Variants in SH3RF3 observed in about 807,000 individuals in gnomAD.
SH3RF3 encodes SH3 domain containing ring finger 3.
SH3RF3 carries 29 observed loss-of-function variants against 66.3 expected under a neutral mutation model. The observed-to-expected ratio is 0.44, with a 90% confidence interval of 0.33 to 0.60. The LOEUF (loss-of-function observed/expected upper bound fraction) is 0.60, where lower values mean the gene tolerates loss of function less well. SH3RF3 is among the 20% of genes least tolerant of loss of function. SH3RF3 has a pLI of 0.04. For synonymous variants in SH3RF3, 583 were observed against 532.0 expected (o/e 1.10, Z -1.32); for missense variants, 1,194 against 1,190.9 (o/e 1.00, Z -0.04).
At chr2:109,243,141 C>G (rs567234028) in intron 1 of SH3RF3, among the ~76,000 whole-genome samples, 14 of 152,370 alleles carry the variant, frequency 9.2e-5, no homozygotes, top group African/African-American at 3.4e-4. Flanking sequence ...TGGGAGCAGG[C>G]TATTGCCTTG....
At chr2:109,249,532 T>TTTCTTCTTTCTTTCTTTCCTTCC (rs1680019798) in intron 1 of SH3RF3, among the ~76,000 whole-genome samples, 1 of 96,450 alleles carries the variant, frequency 1.0e-5, no homozygotes, top group Non-Finnish European at 2.0e-5. Flanking sequence ...TCTTTCTTTC[T>TTTCTTCTTTCTTTCTTTCCTTCC]TTCCTTCCTT....
At chr2:109,295,023 T>G (rs1294780990) in intron 1 of SH3RF3, among the ~76,000 whole-genome samples, 2 of 152,382 alleles carry the variant, frequency 1.3e-5, no homozygotes, top group East Asian at 3.9e-4. Flanking sequence ...GGATTAGCCA[T>G]CGCTATGAAT....
intron 4 of SH3RF3, 35 bp downstream of exon 4, chr2:109,398,978 G>A: frequency 1.9e-6 from 3 of 1,561,574 alleles, no homozygotes; most frequent in South Asian, 1.2e-5. Context: ...GCATCCCTGG[G>A]TTCTCTGGGG....
intron 1 of SH3RF3, among the ~76,000 whole-genome samples, chr2:109,259,259 C>T (rs1680295502): frequency 1.3e-5 from 2 of 152,244 alleles, no homozygotes; most frequent in African/African-American, 2.4e-5. Flanking sequence ...GCACCCAGAC[C>T]TGCAGCTGCT....
At chr2:109,133,476 C>G (rs531798646) in intron 1 of SH3RF3, among the ~76,000 whole-genome samples, 1 of 152,292 alleles carries the variant, frequency 6.6e-6, no homozygotes, top group East Asian at 1.9e-4. Context: ...GAGTACAGAG[C>G]TGAGGACCTT....
chr2:109,210,013 G>T (rs747577057), intron 1 of SH3RF3, among the ~76,000 whole-genome samples: 1 of 152,058 alleles, frequency 6.6e-6, no homozygotes, highest in Non-Finnish European at 1.5e-5. Flanking sequence ...TATACTTTCT[G>T]TCTCTGTGAA....
intron 1 of SH3RF3, among the ~76,000 whole-genome samples, chr2:109,170,651 A>G (rs1677758866): frequency 1.3e-5 from 2 of 152,128 alleles, no homozygotes; most frequent in African/African-American, 4.8e-5. Context: ...TGCCTGGTCA[A>G]ACAGAATATT....
At chr2:109,457,738 A>G (rs1678100173) in intron 8 of SH3RF3, among the ~76,000 whole-genome samples, 1 of 152,228 alleles carries the variant, frequency 6.6e-6, no homozygotes. Flanking sequence ...AGTGCTTTCA[A>G]AGACATGGGA....
chr2:109,300,387 T>C (rs1413449349), intron 1 of SH3RF3, among the ~76,000 whole-genome samples: 1 of 151,618 alleles, frequency 6.6e-6, no homozygotes, highest in East Asian at 1.9e-4. Context: ...ACCACGTTGG[T>C]CAGGCTGGTC....
At chr2:109,443,806 C>CTT (rs1677637940) in intron 7 of SH3RF3, among the ~76,000 whole-genome samples, 1 of 152,184 alleles carries the variant, frequency 6.6e-6, no homozygotes, top group Non-Finnish European at 1.5e-5. Context: ...TGGTCAGAGA[C>CTT]TTTCATGTCT....
At chr2:109,130,670 G>A (rs1271075189) in intron 1 of SH3RF3, among the ~76,000 whole-genome samples, 1 of 152,190 alleles carries the variant, frequency 6.6e-6, no homozygotes, top group African/African-American at 2.4e-5. Flanking sequence ...GGAGCCTTTT[G>A]ACCCAGCCCT....
intron 3 of SH3RF3, among the ~76,000 whole-genome samples, chr2:109,386,357 C>T (rs76275362): frequency 0.039 from 5,951 of 151,858 alleles, 282 homozygotes; most frequent in African/African-American, 0.11. Flanking sequence ...AAGGTCAGGC[C>T]GTACATGAAG....
chr2:109,351,259 G>C (rs969544970), intron 2 of SH3RF3, among the ~76,000 whole-genome samples: 2 of 152,172 alleles, frequency 1.3e-5, no homozygotes, highest in Non-Finnish European at 2.9e-5. Flanking sequence ...GCTGGCCTTG[G>C]CAGGGCCTTG....
chr2:109,433,121 A>G (rs867185694), intron 6 of SH3RF3, among the ~76,000 whole-genome samples: 3 of 152,348 alleles, frequency 2.0e-5, no homozygotes, highest in Middle Eastern at 3.4e-3. Context: ...GCACGTGCGT[A>G]TGCATACTGT....
At chr2:109,342,805 T>C (rs1682586144) in intron 1 of SH3RF3, among the ~76,000 whole-genome samples, 1 of 152,168 alleles carries the variant, frequency 6.6e-6, no homozygotes, top group South Asian at 2.1e-4. Context: ...GGACATTAAG[T>C]CCAGAGGAAG....
rs79999257 is a variant in SH3RF3, at chr2:109,137,264, T to A, written c.573+7151T>A. 7.8e-3 allele frequency among the ~76,000 whole-genome samples: 1,189 copies of A among 152,342 alleles called. 12 individuals carry two copies. The highest frequency in any genetic ancestry group is 0.033 in the East Asian group (173 of 5,188). ...TTGTTTATTCTTCCATAGTCTAGAT[T>A]TGCCAAATGAAGGCTTTGCACTTCT... is the stretch of plus-strand genomic sequence containing the variant. On this transcript the variant is annotated intron_variant, in intron 1 of 9. Transcript: ENST00000309415.
Position 109,191,152 on chromosome 2 carries a change from G to T in SH3RF3, c.573+61039G>T, listed in dbSNP as rs1027418996. ...GACAGATTGCCAATGAGAGTAGAGG[G>T]TCCCCAACGTGCTATCAACCGGGTA... On this transcript the variant is annotated intron_variant, in intron 1 of 9. Transcript: ENST00000309415. Among the ~76,000 whole-genome samples the T allele has an allele frequency of 4.6e-5, 7 of 152,228 alleles. No individual in the cohort carries two copies. The East Asian group carries it at 1.4e-3, about 29-fold the overall frequency.
At chr2:109,464,841 C>T (rs1678297605) in intron 8 of SH3RF3, among the ~76,000 whole-genome samples, 1 of 152,162 alleles carries the variant, frequency 6.6e-6, no homozygotes, top group Non-Finnish European at 1.5e-5. Flanking sequence ...CCATAGTTTA[C>T]GTTAGGATTT....
chr2:109,357,286 A>G (rs1682965974), intron 2 of SH3RF3, among the ~76,000 whole-genome samples: 1 of 151,614 alleles, frequency 6.6e-6, no homozygotes, highest in African/African-American at 2.4e-5. Context: ...GGCTCATGCC[A>G]TTCTCCTGCC....
Sources: gnomAD v4.1 joint callset for allele counts (sites outside exome capture counted in the v4.1 genomes callset) on GRCh38, gnomAD v4.1.1 for gene constraint, MANE v1.5 for transcripts, NCBI Gene and HGNC (gene_info 2026-07-23, HGNC 2026-07-21) for gene names.